ACTR3: variants seen among roughly 807,000 people sequenced by gnomAD.
ACTR3 encodes actin related protein 3.
A neutral mutation model predicts 56.8 loss-of-function variants in ACTR3; 12 were observed. The ratio of observed to expected loss-of-function variants is 0.21; its 90% CI spans 0.14 to 0.34. The LOEUF is 0.34. Ranked by LOEUF, ACTR3 falls within the 10% of genes least tolerant of loss-of-function variation. ACTR3 has a pLI of 1.00. For synonymous variants in ACTR3, 162 were observed against 167.4 expected, an observed-to-expected ratio of 0.97 and a Z score of 0.25; for missense variants, 282 against 512.5, an observed-to-expected ratio of 0.55 and a Z score of 4.34.
chr2:113,917,194 C>A (rs929718775), intron 3 of ACTR3, among the ~76,000 whole-genome samples, 186 bp downstream of exon 3: 1 of 151,134 alleles, frequency 6.6e-6, no homozygotes, highest in Non-Finnish European at 1.5e-5. Context: ...TTTTTAATAA[C>A]CCCTAAGAGG....
chr2:113,925,701 A>G (rs1266679481), intron 3 of ACTR3, among the ~76,000 whole-genome samples: 1 of 152,236 alleles, frequency 6.6e-6, no homozygotes, highest in Non-Finnish European at 1.5e-5. Context: ...AAATTGAATG[A>G]TAAAGTAAAC....
At chr2:113,924,243 A>C (rs1176970292) in intron 3 of ACTR3, among the ~76,000 whole-genome samples, 1 of 143,724 alleles carries the variant, frequency 7.0e-6, no homozygotes, top group Non-Finnish European at 1.5e-5. Flanking sequence ...CTAATTAAAA[A>C]TTTTTTTTTT....
At chr2:113,954,710 G>C (rs1680179847) in intron 10 of ACTR3, 1 of 150,614 alleles carries the variant, frequency 6.6e-6, no homozygotes, top group East Asian at 1.9e-4. Flanking sequence ...GTTTCAGGCT[G>C]ATCTTGTACT....
chr2:113,948,758 C>T (rs1384664460), intron 8 of ACTR3, among the ~76,000 whole-genome samples: 1 of 152,014 alleles, frequency 6.6e-6, no homozygotes, highest in Non-Finnish European at 1.5e-5. Context: ...AAACTCTCTT[C>T]AGTAGTTATA....
In ACTR3 at chr2:113,940,021, A is replaced by G. The variant is rs771654768; in HGVS notation, c.603A>G (p.Thr201=). The change falls in exon 7 of 12, where the codon ACA becomes ACG. Residue 201 remains threonine (T), a synonymous_variant. Transcript: ENST00000263238. ...TTCCAATCGCAGGACGAGATATAAC[A>G]TATTTTATTCAGCAACTGCTGAGAG... ...KHIPIAGRDI[T]YFIQQLLRDR... 20 of 1,613,410 alleles carry G rather than the reference A, an allele frequency of 1.2e-5. No individual in the cohort carries two copies. The highest frequency in any genetic ancestry group is 1.7e-5 in the Non-Finnish European group (20 of 1,179,648).
At chr2:113,954,865 T>G (rs1680183720) in intron 10 of ACTR3, 1 of 152,074 alleles carries the variant, frequency 6.6e-6, no homozygotes, top group Non-Finnish European at 1.5e-5. Flanking sequence ...AGTCTAGGCC[T>G]TCTCAGTGAT....
chr2:113,890,051 C>G, upstream of ACTR3: 1 of 594,744 alleles, frequency 1.7e-6, no homozygotes, highest in South Asian at 1.8e-5. Context: ...GGGGAGGAGG[C>G]CGCGGCGGGG....
At chr2:113,923,733 T>C (rs77749514) in intron 3 of ACTR3, among the ~76,000 whole-genome samples, 1 of 93,966 alleles carries the variant, frequency 1.1e-5, no homozygotes, top group Non-Finnish European at 2.1e-5. Context: ...TCAGTTCTCC[T>C]TTTTTTTTTT....
At chr2:113,952,776 A>C (rs1354533421) in intron 10 of ACTR3, 2 of 152,180 alleles carry the variant, frequency 1.3e-5, no homozygotes, top group African/African-American at 4.8e-5. Context: ...TTCACACTTC[A>C]GGAAGTCTAC....
intron 1 of ACTR3, among the ~76,000 whole-genome samples, chr2:113,892,434 T>A (rs1450041027): frequency 2.0e-5 from 3 of 152,224 alleles, no homozygotes; most frequent in African/African-American, 7.2e-5. Flanking sequence ...CCTCACTCTC[T>A]TTTACCATTT....
At position 113,957,380 on chromosome 2, in the gene ACTR3, C is replaced by T. The variant is rs1680235025; in HGVS notation, c.1182C>T (p.Cys394=). Residue 394 remains cysteine (C), a synonymous_variant, in exon 12 of 12, where the codon TGC becomes TGT. Coordinates refer to ENST00000263238, the MANE Select transcript of ACTR3 (RefSeq NM_005721.5). ...TTCAGCCTGAGTTCTACCAAGTATG[C>T]CACACCAAAAAGGATTATGAAGAAA... is the stretch of plus-strand genomic sequence containing the variant. The part of the protein sequence containing the change: ...LASTPEFYQV[C]HTKKDYEEIG... 1.2e-6 allele frequency: 2 copies of T among 1,612,852 alleles called. No individual in the cohort carries two copies. The highest frequency in any genetic ancestry group is 1.3e-5 in the African/African-American group (1 of 74,814).
intron 6 of ACTR3, among the ~76,000 whole-genome samples, chr2:113,937,253 A>G (rs7558402): frequency 0.39 from 58,708 of 151,900 alleles, 15,640 homozygotes; most frequent in African/African-American, 0.75. Flanking sequence ...ACAGATGTGC[A>G]CCACCACACC....
At chr2:113,934,427 C>G in intron 6 of ACTR3, 41 bp downstream of exon 6, 2 of 1,228,898 alleles carry the variant, frequency 1.6e-6, no homozygotes, top group Non-Finnish European at 2.3e-6. Context: ...CATGAAATAA[C>G]ACATCTGGCA....
At chr2:113,914,869 G>A (rs1352315889) in intron 2 of ACTR3, among the ~76,000 whole-genome samples, 1 of 152,046 alleles carries the variant, frequency 6.6e-6, no homozygotes, top group Non-Finnish European at 1.5e-5. Context: ...CAGCTCATTC[G>A]TGTGTCTAGT....
At chr2:113,926,357 C>T (rs761322993) in intron 3 of ACTR3, among the ~76,000 whole-genome samples, 12 of 152,148 alleles carry the variant, frequency 7.9e-5, no homozygotes, top group Non-Finnish European at 1.6e-4. Flanking sequence ...CACTATATTT[C>T]CCTGGAAAAT....
intron 8 of ACTR3, among the ~76,000 whole-genome samples, chr2:113,950,214 T>G (rs1413491141): frequency 6.6e-6 from 1 of 152,238 alleles, no homozygotes; most frequent in Non-Finnish European, 1.5e-5. Flanking sequence ...TCAATAGCAC[T>G]AGAACACATG....
intron 1 of ACTR3, among the ~76,000 whole-genome samples, chr2:113,903,149 C>T (rs937736408): frequency 4.6e-5 from 7 of 152,236 alleles, no homozygotes; most frequent in Non-Finnish European, 8.8e-5. Flanking sequence ...CCAATTCCTC[C>T]ATTTCCCAAT....
chr2:113,929,168 G>T (rs1055749804), intron 4 of ACTR3, among the ~76,000 whole-genome samples: 1 of 151,746 alleles, frequency 6.6e-6, no homozygotes, highest in South Asian at 2.1e-4. Flanking sequence ...TTTAAGACAG[G>T]GTTTTGCTCT....
chr2:113,905,994 G>C (rs1679184596), intron 1 of ACTR3, among the ~76,000 whole-genome samples: 1 of 152,176 alleles, frequency 6.6e-6, no homozygotes, highest in African/African-American at 2.4e-5. Context: ...CCTGCTTTCA[G>C]TTCTTTTGGG....
Sources: gnomAD v4.1 joint callset for allele counts (sites outside exome capture counted in the v4.1 genomes callset) on GRCh38, gnomAD v4.1.1 for gene constraint, MANE v1.5 for transcripts, NCBI Gene and HGNC (gene_info 2026-07-23, HGNC 2026-07-21) for gene names.